The following RBBP4 variants were observed in gnomAD, a reference collection of about 807,000 sequenced individuals.
RBBP4 encodes histone-binding protein RBBP4.
A neutral mutation model predicts 57.2 loss-of-function variants in RBBP4; 3 were observed. The observed-to-expected ratio is 0.05, with a 90% confidence interval of 0.02 to 0.14. The LOEUF is 0.14. Among genes scored for constraint, RBBP4 ranks in the 10% least tolerant of loss-of-function variants. The pLI is 1.00. For missense variants in RBBP4, 107 were observed against 520.6 expected, an observed-to-expected ratio of 0.21 and a Z score of 7.73; for synonymous variants, 151 against 171.5, an observed-to-expected ratio of 0.88 and a Z score of 0.93.
rs1426782050 is a variant in RBBP4 at position 32,669,585 on chromosome 1, A to G, written c.966+22A>G. Reference sequence around the variant, plus strand: ...CCAGGTAAGAGAAACTAATGCTACTATTTTGTTTGTTTTAAGAAAAACCTG... The same window carrying G: ...CCAGGTAAGAGAAACTAATGCTACTGTTTTGTTTGTTTTAAGAAAAACCTG... On this transcript the variant is annotated intron_variant, in intron 8 of 11. Coordinates refer to ENST00000373493, the MANE Select transcript of RBBP4 (RefSeq NM_005610.3). This position sits in a 1 kb window ranked among gnomAD's most constrained non-coding sequence, Gnocchi z 4.9. 6 of 1,582,910 alleles carry G rather than the reference A, an allele frequency of 3.8e-6. No individual in the cohort carries two copies. Among genetic ancestry groups the G allele is most frequent in the Non-Finnish European group, 1.7e-6 (2 of 1,170,128 alleles).
At chr1:32,662,653 C>T (rs1234941288) in intron 3 of RBBP4, among the ~76,000 whole-genome samples, 1 of 151,778 alleles carries the variant, frequency 6.6e-6, no homozygotes, top group South Asian at 2.1e-4. Flanking sequence ...GGATTATAGG[C>T]GTGAGCCACC....
chr1:32,675,334 C>T (rs541490256), intron 11 of RBBP4, among the ~76,000 whole-genome samples: 6 of 151,846 alleles, frequency 4.0e-5, no homozygotes, highest in South Asian at 4.2e-4. Context: ...CCGCGCCTGG[C>T]GTAATAGCAC....
chr1:32,679,922 G>A lies in RBBP4; in HGVS notation c.*217G>A. On this transcript the variant is annotated 3_prime_UTR_variant, in exon 12 of 12. Coordinates refer to ENST00000373493, the MANE Select transcript of RBBP4 (RefSeq NM_005610.3). ...AGACTTAACGTTGAAATTTTCTTCA[G>A]GAATTTTCTAGTAACCCAGGTCTAA... 4 of 1,290,720 alleles carry A rather than the reference G, an allele frequency of 3.1e-6. No individual in the cohort carries two copies. Among genetic ancestry groups the A allele is most frequent in the Non-Finnish European group, 2.9e-6 (3 of 1,022,470 alleles). 80.0% of individuals were successfully genotyped at this position (1,290,720 alleles called of 1,614,324 possible).
chr1:32,660,426 AT>A lies in RBBP4; in HGVS notation c.310+2862del, dbSNP rs369661895. On this transcript the variant is annotated intron_variant, in intron 3 of 11. Coordinates refer to ENST00000373493, the MANE Select transcript of RBBP4 (RefSeq NM_005610.3). The stretch of plus-strand genomic sequence containing the variant: ...ACCTGGATTTTTATTTTATTTATTT[AT>A]TTTTTTTGAGTCGGAGTCTGGCTCT... 2.9e-3 allele frequency among the ~76,000 whole-genome samples: 43 copies of A among 14,634 alleles called. No individual in the cohort carries two copies. The Non-Finnish European group carries it at 0.033, about 11-fold the overall frequency. 9.6% of individuals were successfully genotyped at this position (14,634 alleles called of 152,430 possible).
chr1:32,679,525 TG>T, intron 11 of RBBP4, 114 bp from the exon 12 acceptor site: 1 of 868,810 alleles, frequency 1.2e-6, no homozygotes, highest in Non-Finnish European at 1.7e-6. Context: ...ACAGATTGTG[TG>T]GCCCAAAAGC....
intron 11 of RBBP4, among the ~76,000 whole-genome samples, chr1:32,674,842 C>A (rs1213865694): frequency 6.6e-6 from 1 of 151,868 alleles, no homozygotes; most frequent in Non-Finnish European, 1.5e-5. Context: ...ATTCTCCTGC[C>A]TCAGCCTGCT....
At chr1:32,679,544 T>G in intron 11 of RBBP4, 96 bp from the exon 12 acceptor site, 3 of 1,127,054 alleles carry the variant, frequency 2.7e-6, no homozygotes, top group Non-Finnish European at 3.7e-6. Context: ...AGCTATAAAG[T>G]ATTTACTCTC....
At chr1:32,676,567 G>A (rs1456671590) in intron 11 of RBBP4, among the ~76,000 whole-genome samples, 2 of 146,090 alleles carry the variant, frequency 1.4e-5, no homozygotes, top group African/African-American at 2.6e-5. Flanking sequence ...AGCCAAGATC[G>A]CACCATTGCA....
chr1:32,660,943 G>A (rs1162088305), intron 3 of RBBP4, among the ~76,000 whole-genome samples: 1 of 152,148 alleles, frequency 6.6e-6, no homozygotes, highest in Non-Finnish European at 1.5e-5. Flanking sequence ...CTGAGTAGCT[G>A]GGATTGCAGG....
intron 11 of RBBP4, among the ~76,000 whole-genome samples, chr1:32,673,880 C>G (rs1017885566): frequency 6.6e-6 from 1 of 151,998 alleles, no homozygotes; most frequent in Non-Finnish European, 1.5e-5. Flanking sequence ...GGGTGGATCA[C>G]GAGGTCAGGA....
rs1570886637 is a variant in RBBP4 at position 32,682,154 on chromosome 1, A to G, written c.*2449A>G. The G allele has an allele frequency of 2.6e-6, 1 of 391,992 alleles. No individual in the cohort carries two copies. Among genetic ancestry groups the G allele is most frequent in the East Asian group, 5.2e-5 (1 of 19,162 alleles). 24.3% of individuals were successfully genotyped at this position (391,992 alleles called of 1,614,324 possible). A position where few individuals can be genotyped will look rare whatever the true frequency, so the allele number is the denominator to read the frequency against. Reference sequence around the variant, plus strand: ...CGTTGTCTTTTCCAGATTGTACACAATCTGATCAACACAAAGGTAGTTAGT... The same window carrying G: ...CGTTGTCTTTTCCAGATTGTACACAGTCTGATCAACACAAAGGTAGTTAGT... On this transcript the variant is annotated 3_prime_UTR_variant, in exon 12 of 12. Transcript: ENST00000373493.
chr1:32,653,752 G>T (rs568860538), intron 2 of RBBP4, among the ~76,000 whole-genome samples: 2 of 138,566 alleles, frequency 1.4e-5, no homozygotes, highest in Non-Finnish European at 3.1e-5. Context: ...TCCGCCTCCC[G>T]GGTTCACGCC....
chr1:32,677,883 G>A (rs970448039), intron 11 of RBBP4, among the ~76,000 whole-genome samples: 4 of 152,140 alleles, frequency 2.6e-5, no homozygotes, highest in African/African-American at 7.2e-5. Flanking sequence ...ATATGTGCAT[G>A]GTAGGTGCTA....
At position 32,685,044 on chromosome 1, in the gene RBBP4, G is replaced by A. The variant is rs1023328225; in HGVS notation, c.*5339G>A. 2.6e-5 allele frequency: 4 copies of A among 152,092 alleles called. No homozygotes were observed. The highest frequency in any genetic ancestry group is 4.8e-5 in the African/African-American group (2 of 41,388). The allele number at this position is 152,092 out of a possible 1,614,324, so 9.4% of individuals were successfully genotyped here. ...TTCTTTATTTTTGTATAGAGACAGGGTCTCGCTATGTTGCCCAGGCTGGTC... is the reference window on the plus strand; with the variant it reads ...TTCTTTATTTTTGTATAGAGACAGGATCTCGCTATGTTGCCCAGGCTGGTC... On this transcript the variant is annotated 3_prime_UTR_variant, in exon 12 of 12. Coordinates refer to ENST00000373493, the MANE Select transcript of RBBP4 (RefSeq NM_005610.3).
chr1:32,668,709 G>C, intron 4 of RBBP4, 30 bp from the exon 5 acceptor site: 1 of 1,561,878 alleles, frequency 6.4e-7, no homozygotes, highest in Non-Finnish European at 8.8e-7. Flanking sequence ...CAGTGGACTG[G>C]GTAGTCTTGA....
Position 32,669,417 on chromosome 1 carries a change from G to A in RBBP4, c.888+60G>A. ...TCTCTAGGTTTTTTTGAATTGCAGA[G>A]ATATTTTACTTACAGTATTTTTTTT... On this transcript the variant is annotated intron_variant, in intron 7 of 11. Transcript: ENST00000373493. The surrounding 1 kb of genome is among the most constrained non-coding windows in gnomAD (Gnocchi z 4.9). 1.3e-6 allele frequency: 2 copies of A among 1,568,848 alleles called. No individual in the cohort carries two copies. Among genetic ancestry groups the A allele is most frequent in the Non-Finnish European group, 1.7e-6 (2 of 1,164,764 alleles).
In RBBP4 at chr1:32,684,000, C is replaced by A. The variant is rs1395055669; in HGVS notation, c.*4295C>A. On this transcript the variant is annotated 3_prime_UTR_variant, in exon 12 of 12. Transcript: ENST00000373493. The stretch of plus-strand genomic sequence containing the variant: ...AATGCAAACACCACTCTTCTCTTCA[C>A]AAAGATCACCTTGAGACTGTGTCTC... The A allele has an allele frequency of 1.2e-6, 2 of 1,613,138 alleles. No individual in the cohort carries two copies. The highest frequency in any genetic ancestry group is 1.1e-5 in the South Asian group (1 of 90,988).
Position 32,682,023 on chromosome 1 carries a change from G to C in RBBP4, c.*2318G>C. On this transcript the variant is annotated 3_prime_UTR_variant, in exon 12 of 12. Transcript: ENST00000373493. ...TCCTGTTTGTCAAATAGAATGAATG[G>C]TGATGGTGATGGGAGGGATAGTTAA... 1.6e-6 allele frequency: 1 copy of C among 623,978 alleles called. No homozygotes were observed. The highest frequency in any genetic ancestry group is 2.0e-5 in the South Asian group (1 of 50,922). 38.7% of individuals were successfully genotyped at this position (623,978 alleles called of 1,614,324 possible).
chr1:32,684,391 G>A lies in RBBP4; in HGVS notation c.*4686G>A, dbSNP rs372408918. Reference sequence around the variant, plus strand: ...ATTTCCTCCAGCTGTTCCTGCATGAGATGGCCAAGAACATTTCTAATGAGC... The same window carrying A: ...ATTTCCTCCAGCTGTTCCTGCATGAAATGGCCAAGAACATTTCTAATGAGC... On this transcript the variant is annotated 3_prime_UTR_variant, in exon 12 of 12. Transcript: ENST00000373493. 5 of 1,614,006 alleles carry A rather than the reference G, an allele frequency of 3.1e-6. No individual in the cohort carries two copies. The African/African-American group carries it at 5.3e-5, about 17-fold the overall frequency.
Sources: gnomAD v4.1 joint callset for allele counts (sites outside exome capture counted in the v4.1 genomes callset) on GRCh38, gnomAD v4.1.1 for gene constraint, Gnocchi (gnomAD v3.1) non-coding constraint, MANE v1.5 for transcripts, NCBI Gene and HGNC (gene_info 2026-07-23, HGNC 2026-07-21) for gene names.